SIPA1L1: variants seen among roughly 807,000 people sequenced by gnomAD.
The protein encoded by SIPA1L1 is signal induced proliferation associated 1 like 1, also known as signal-induced proliferation-associated 1-like protein 1.
Under a neutral mutation model 162.7 loss-of-function variants are expected in SIPA1L1, and 26 were observed. The ratio of observed to expected loss-of-function variants is 0.16; its 90% confidence interval spans 0.12 to 0.22. SIPA1L1 has a LOEUF of 0.22. Ranked by LOEUF, SIPA1L1 falls within the 10% of genes least tolerant of loss-of-function variation. The pLI is 1.00. For synonymous variants in SIPA1L1, 829 were observed against 837.4 expected (o/e 0.99, Z 0.17); for missense variants, 1,874 against 2,241.0 (o/e 0.84, Z 3.31).
intron 2 of SIPA1L1, among the ~76,000 whole-genome samples, chr14:71,338,829 T>A (rs1439205443): frequency 6.6e-6 from 1 of 150,572 alleles, no homozygotes; most frequent in African/African-American, 2.5e-5. Context: ...AACCTCCGCC[T>A]CCTGGGTTCA....
chr14:71,443,946 GA>G (rs2045134028), intron 2 of SIPA1L1, among the ~76,000 whole-genome samples: 1 of 152,208 alleles, frequency 6.6e-6, no homozygotes, highest in South Asian at 2.1e-4. Flanking sequence ...TGCCTAGGTA[GA>G]AGGGAGAAGA....
intron 2 of SIPA1L1, among the ~76,000 whole-genome samples, chr14:71,405,210 C>A (rs577725614): frequency 6.6e-5 from 10 of 152,226 alleles, no homozygotes; most frequent in Admixed American, 5.9e-4. Context: ...CAGGAAAGGT[C>A]CTTCTGAGGA....
At chr14:71,557,020 A>G (rs911604790) in intron 4 of SIPA1L1, among the ~76,000 whole-genome samples, 3 of 152,312 alleles carry the variant, frequency 2.0e-5, no homozygotes, top group East Asian at 3.9e-4. Flanking sequence ...CCTGAGGCCT[A>G]AAGTACCCCA....
At chr14:71,479,888 G>A (rs957737445) in intron 2 of SIPA1L1, among the ~76,000 whole-genome samples, 3 of 151,934 alleles carry the variant, frequency 2.0e-5, no homozygotes, top group African/African-American at 7.3e-5. Context: ...TACCATGCTG[G>A]ACTAATTCTT....
chr14:71,675,806 A>G (rs2045103029), intron 12 of SIPA1L1, among the ~76,000 whole-genome samples: 1 of 152,156 alleles, frequency 6.6e-6, no homozygotes, highest in African/African-American at 2.4e-5. Context: ...GCCAGGACCC[A>G]GAGAGGGACA....
At chr14:71,634,214 A>G (rs1025413197) in intron 7 of SIPA1L1, among the ~76,000 whole-genome samples, 3 of 151,910 alleles carry the variant, frequency 2.0e-5, no homozygotes, top group Admixed American at 1.3e-4. Context: ...CAGACTGCCC[A>G]ACATGGCGAA....
At chr14:71,716,693 A>G (rs995272814) in intron 17 of SIPA1L1, among the ~76,000 whole-genome samples, 7 of 152,204 alleles carry the variant, frequency 4.6e-5, no homozygotes, top group Non-Finnish European at 1.0e-4. Flanking sequence ...GTCAGCAAAT[A>G]GATGTAGGTC....
At chr14:71,458,349 C>A (rs749078404) in intron 2 of SIPA1L1, among the ~76,000 whole-genome samples, 1 of 152,138 alleles carries the variant, frequency 6.6e-6, no homozygotes, top group African/African-American at 2.4e-5. Context: ...AATTTTAGAA[C>A]CTTTTGAGCA....
intron 2 of SIPA1L1, among the ~76,000 whole-genome samples, chr14:71,442,765 A>G (rs1324506364): frequency 6.6e-6 from 1 of 151,790 alleles, no homozygotes. Flanking sequence ...TTGTCTCTAT[A>G]AAAAAAATAA....
intron 5 of SIPA1L1, among the ~76,000 whole-genome samples, chr14:71,612,730 C>T (rs2038375004): frequency 6.6e-6 from 1 of 152,130 alleles, no homozygotes; most frequent in South Asian, 2.1e-4. Context: ...ACTTTCTTTG[C>T]CTTGTACACA....
In SIPA1L1 at chr14:71,543,725, T is replaced by G. The variant is rs566712104; in HGVS notation, c.-303+14355T>G. Among the ~76,000 whole-genome samples the G allele has an allele frequency of 2.0e-4, 31 of 151,326 alleles. No individual in the cohort carries two copies. In the South Asian group the frequency reaches 2.1e-3, roughly 10 times the overall value. ...TCTTTTTTTTTTTTTTGCAGTGTCT[T>G]TTGCAAGTCTTGACTGTTTTTCTAA... On this transcript the variant is annotated intron_variant, in intron 4 of 23. Coordinates refer to ENST00000381232, the MANE Select transcript of SIPA1L1 (RefSeq NM_001386936.1).
At chr14:71,717,964 G>A (rs1308579904) in intron 17 of SIPA1L1, among the ~76,000 whole-genome samples, 1 of 152,214 alleles carries the variant, frequency 6.6e-6, no homozygotes, top group South Asian at 2.1e-4. Context: ...GCCATGTTCT[G>A]TGGCTTGAGA....
intron 5 of SIPA1L1, among the ~76,000 whole-genome samples, chr14:71,603,197 C>A (rs964846908): frequency 6.6e-6 from 1 of 151,842 alleles, no homozygotes; most frequent in African/African-American, 2.4e-5. Context: ...CATGGAATAC[C>A]TTTTTTATCC....
chr14:71,738,773 C>T (rs1390098478), intron 23 of SIPA1L1, among the ~76,000 whole-genome samples: 3 of 152,160 alleles, frequency 2.0e-5, no homozygotes, highest in African/African-American at 7.2e-5. Context: ...TTAAAATACA[C>T]ATTAATGTAC....
At chr14:71,502,181 T>G (rs1199402466) in intron 2 of SIPA1L1, among the ~76,000 whole-genome samples, 1 of 145,542 alleles carries the variant, frequency 6.9e-6, no homozygotes, top group African/African-American at 2.5e-5. Context: ...TTTACCTTCA[T>G]GGACTGATGC....
intron 4 of SIPA1L1, among the ~76,000 whole-genome samples, chr14:71,553,035 T>C (rs948681527): frequency 6.6e-6 from 1 of 152,130 alleles, no homozygotes; most frequent in Admixed American, 6.6e-5. Context: ...TGCCGATATC[T>C]CCAAATGCTG....
At chr14:71,633,036 G>A (rs2040742282) in intron 7 of SIPA1L1, among the ~76,000 whole-genome samples, 1 of 152,058 alleles carries the variant, frequency 6.6e-6, no homozygotes, top group Non-Finnish European at 1.5e-5. Flanking sequence ...AGATGACACA[G>A]TTGTTAGAAT....
At chr14:71,707,419 G>A (rs919859379) in intron 16 of SIPA1L1, among the ~76,000 whole-genome samples, 9 of 151,866 alleles carry the variant, frequency 5.9e-5, no homozygotes, top group African/African-American at 2.4e-5. Context: ...AGAGTTATCC[G>A]GCCAGCACTG....
At chr14:71,735,195 A>G in intron 21 of SIPA1L1, 82 bp from the exon 22 acceptor site, 1 of 909,288 alleles carries the variant, frequency 1.1e-6, no homozygotes, top group East Asian at 2.4e-5. Context: ...CATGACTGCC[A>G]ACTAGACCAC....
Sources: gnomAD v4.1 joint callset for allele counts (sites outside exome capture counted in the v4.1 genomes callset) on GRCh38, gnomAD v4.1.1 for gene constraint, MANE v1.5 for transcripts, NCBI Gene and HGNC (gene_info 2026-07-23, HGNC 2026-07-21) for gene names.